Variants in PHLDB1 observed in about 807,000 individuals in gnomAD.
PHLDB1 encodes the protein pleckstrin homology-like domain family B member 1.
PHLDB1 carries 65 observed loss-of-function variants against 139.3 expected under a neutral mutation model. That is an observed-to-expected ratio of 0.47 (90% confidence interval 0.38 to 0.57). PHLDB1 has a LOEUF of 0.57. Ranked by LOEUF, PHLDB1 falls within the 20% of genes least tolerant of loss-of-function variation. PHLDB1 has a pLI of 0.00. For synonymous variants in PHLDB1, 679 were observed against 734.5 expected, an observed-to-expected ratio of 0.92 and a Z score of 1.22; for missense variants, 1,624 against 1,839.7, an observed-to-expected ratio of 0.88 and a Z score of 2.14.
rs1399211310 is a variant in PHLDB1, at chr11:118,632,726, G to A, written c.2379+430G>A. The A allele has an allele frequency of 2.3e-5, 6 of 258,010 alleles. No homozygotes were observed. The South Asian group carries it at 3.6e-4, about 16-fold the overall frequency. 16.0% of individuals were successfully genotyped at this position (258,010 alleles called of 1,614,324 possible). On this transcript the variant is annotated intron_variant, in intron 9 of 22. Coordinates refer to ENST00000600882, the MANE Select transcript of PHLDB1 (RefSeq NM_001144758.3). The surrounding 1 kb of genome is among the most constrained non-coding windows in gnomAD (Gnocchi z 5.9). ...TTGTGATCTTTGGGAGATGGCCCTC[G>A]GGCCTCTGCTTCCCTTGAGCCTTCA...
At chr11:118,647,646 G>A (rs1050994010) in intron 17 of PHLDB1, 3 of 248,502 alleles carry the variant, frequency 1.2e-5, no homozygotes, top group Non-Finnish European at 2.3e-5. Context: ...CCTGGGAGGC[G>A]AAGGTTGCAG....
At position 118,657,141 on chromosome 11, in the gene PHLDB1, C is replaced by T; in HGVS notation, c.*318C>T. 4.7e-6 allele frequency: 1 copy of T among 210,660 alleles called. No homozygotes were observed. The highest frequency in any genetic ancestry group is 9.6e-6 in the Non-Finnish European group (1 of 103,692). The allele number at this position is 210,660 out of a possible 1,614,324, so 13.0% of individuals were successfully genotyped here. A position where few individuals can be genotyped will look rare whatever the true frequency, so the allele number is the denominator to read the frequency against. ...ATGGTACCATAAGCTGCCAAAGATC[C>T]CCTCCTGCCTCAGACCCCTTTGCCA... On this transcript the variant is annotated 3_prime_UTR_variant, in exon 23 of 23. Transcript: ENST00000600882.
Position 118,643,835 on chromosome 11 carries a change from C to T in PHLDB1, c.2913C>T (p.Ser971=). The T allele has an allele frequency of 6.2e-7, 1 of 1,614,048 alleles. No homozygotes were observed. Among genetic ancestry groups the T allele is most frequent in the African/African-American group, 1.3e-5 (1 of 75,050 alleles). ...YRSKMDGEAT[S]PLPRTRSGPL... ...CCAAGATGGATGGCGAGGCCACCAG[C>T]CCCCTTCCCCGGACCCGCAGCGGCC... The change falls in exon 14 of 23, where the codon AGC becomes AGT. Residue 971 remains serine (S), a synonymous_variant. Transcript: ENST00000600882.
intron 17 of PHLDB1, chr11:118,647,145 T>C (rs1436733217): frequency 6.6e-6 from 1 of 152,246 alleles, no homozygotes; most frequent in African/African-American, 2.4e-5. Context: ...CCATAAAGTT[T>C]GAAGTTCAAT....
intron 22 of PHLDB1, 85 bp downstream of exon 22, chr11:118,655,977 C>T (rs1346689389): frequency 6.1e-6 from 6 of 979,886 alleles, no homozygotes; most frequent in Non-Finnish European, 8.2e-6. Flanking sequence ...CCCTTCATCC[C>T]CCTCCCTTCC....
chr11:118,618,991 G>T (rs888070854), intron 4 of PHLDB1, among the ~76,000 whole-genome samples: 1 of 152,042 alleles, frequency 6.6e-6, no homozygotes. Flanking sequence ...AAGTGAGGGA[G>T]CCAGGAAGGT....
chr11:118,656,572 C>A, intron 22 of PHLDB1, 111 bp from the exon 23 acceptor site: 1 of 1,050,346 alleles, frequency 9.5e-7, no homozygotes, highest in Admixed American at 2.0e-5. Context: ...TAGGACTAAG[C>A]TCCAGGGCTT....
Position 118,656,883 on chromosome 11 carries a change from T to C in PHLDB1, c.*60T>C. 6.8e-7 allele frequency: 1 copy of C among 1,472,072 alleles called. No individual in the cohort carries two copies. Among genetic ancestry groups the C allele is most frequent in the Non-Finnish European group, 9.3e-7 (1 of 1,070,194 alleles). 91.2% of individuals were successfully genotyped at this position (1,472,072 alleles called of 1,614,324 possible). ...CTTTTGTATAAGAAGACTTTAATATTCTGTAAGGAGCTTGGTCCTGTGAGT... is the reference window on the plus strand; with the variant it reads ...CTTTTGTATAAGAAGACTTTAATATCCTGTAAGGAGCTTGGTCCTGTGAGT... On this transcript the variant is annotated 3_prime_UTR_variant, in exon 23 of 23. Coordinates refer to ENST00000600882, the MANE Select transcript of PHLDB1 (RefSeq NM_001144758.3).
chr11:118,634,864 A>C, intron 9 of PHLDB1: 1 of 328,190 alleles, frequency 3.0e-6, no homozygotes, highest in Non-Finnish European at 6.3e-6. Context: ...GGAGTTGAGG[A>C]GTGTGTGTTC....
chr11:118,641,590 T>G (rs1555120586), intron 12 of PHLDB1: 1 of 1,257,592 alleles, frequency 8.0e-7, no homozygotes, highest in Admixed American at 2.5e-5. Context: ...TTATATTCCC[T>G]CCTGCGTCTG....
intron 20 of PHLDB1, 113 bp from the exon 21 acceptor site, chr11:118,655,492 A>G: frequency 1.4e-6 from 1 of 705,598 alleles, no homozygotes; most frequent in Non-Finnish European, 2.6e-6. Flanking sequence ...TTGGGAGACT[A>G]GGATCTTCAC....
chr11:118,637,909 A>G (rs1945904093), intron 10 of PHLDB1: 1 of 152,274 alleles, frequency 6.6e-6, no homozygotes, highest in Admixed American at 6.5e-5. Context: ...AGAAAAGACA[A>G]TGTGGATCTT....
intron 1 of PHLDB1, among the ~76,000 whole-genome samples, chr11:118,609,900 G>C (rs995334876): frequency 6.6e-6 from 1 of 151,976 alleles, no homozygotes; most frequent in Non-Finnish European, 1.5e-5. Context: ...CCAAGCAACA[G>C]CCCTCGCTCC....
Position 118,643,950 on chromosome 11 carries a change from C to G in PHLDB1, c.3018+10C>G. ...TAGCCCCTCCCCAAAGGTCTGAGGA[C>G]AGTGGGTGGGGCTGCACATGTGGCT... is the stretch of plus-strand genomic sequence containing the variant. On this transcript the variant is annotated intron_variant, in intron 14 of 22. Transcript: ENST00000600882. 6.3e-7 allele frequency: 1 copy of G among 1,593,628 alleles called. No individual in the cohort carries two copies. Among genetic ancestry groups the G allele is most frequent in the Non-Finnish European group, 8.5e-7 (1 of 1,169,954 alleles).
chr11:118,650,036 G>A lies in PHLDB1; in HGVS notation c.3655-41G>A, dbSNP rs1334396524. The A allele has an allele frequency of 7.0e-7, 1 of 1,421,070 alleles. No homozygotes were observed. Among genetic ancestry groups the A allele is most frequent in the Non-Finnish European group, 1.0e-6 (1 of 1,004,120 alleles). 88.0% of individuals were successfully genotyped at this position (1,421,070 alleles called of 1,614,324 possible). ...GGGGCCTGGACAGGGGAATAATGAGGGAAGAGAGGAGACTCTCCTGACCCT... is the reference window on the plus strand; with the variant it reads ...GGGGCCTGGACAGGGGAATAATGAGAGAAGAGAGGAGACTCTCCTGACCCT... On this transcript the variant is annotated intron_variant, in intron 18 of 22. Coordinates refer to ENST00000600882, the MANE Select transcript of PHLDB1 (RefSeq NM_001144758.3). The surrounding 1 kb of genome is among the most constrained non-coding windows in gnomAD (Gnocchi z 4.7).
At chr11:118,629,199 A>C (rs1037976679) in intron 6 of PHLDB1, among the ~76,000 whole-genome samples, 2 of 152,226 alleles carry the variant, frequency 1.3e-5, no homozygotes, top group Non-Finnish European at 2.9e-5. Flanking sequence ...GGAGCTGCTC[A>C]TCCTGGCCCA....
chr11:118,608,478 G>T lies in PHLDB1; in HGVS notation c.-22+779G>T, dbSNP rs1193468684. On this transcript the variant is annotated intron_variant, in intron 1 of 22. Coordinates refer to ENST00000600882, the MANE Select transcript of PHLDB1 (RefSeq NM_001144758.3). The surrounding 1 kb of genome is among the most constrained non-coding windows in gnomAD (Gnocchi z 6.7). Reference sequence around the variant, plus strand: ...GGCGCCGGCGCAGGGTGGCCGAGTCGCCCGCTAGCGCTTCCGCCGAGGCAG... The same window carrying T: ...GGCGCCGGCGCAGGGTGGCCGAGTCTCCCGCTAGCGCTTCCGCCGAGGCAG... Among the ~76,000 whole-genome samples the T allele has an allele frequency of 6.6e-6, 1 of 152,134 alleles. No individual in the cohort carries two copies. The highest frequency in any genetic ancestry group is 1.5e-5 in the Non-Finnish European group (1 of 67,982).
Position 118,616,024 on chromosome 11 carries a change from T to C in PHLDB1, c.185-17T>C, listed in dbSNP as rs1285161586. ...GCCTGGACAACCCCTCTGATTCAGT[T>C]TGCCTCTTGTCTCCAGGGAGGACGG... On this transcript the variant is annotated splice_polypyrimidine_tract_variant and intron_variant, in intron 3 of 22. Transcript: ENST00000600882. 6.2e-7 allele frequency: 1 copy of C among 1,606,474 alleles called. No homozygotes were observed. The highest frequency in any genetic ancestry group is 1.3e-5 in the African/African-American group (1 of 74,808).
chr11:118,615,713 A>G (rs1354133400), intron 3 of PHLDB1: 6 of 284,134 alleles, frequency 2.1e-5, no homozygotes, highest in Non-Finnish European at 3.9e-5. Context: ...AAAGGACAAT[A>G]GGGAGAGGCA....
Sources: allele counts gnomAD v4.1 joint callset (sites outside exome capture counted in the v4.1 genomes callset), GRCh38; gene constraint gnomAD v4.1.1; non-coding constraint Gnocchi (gnomAD v3.1); transcripts MANE v1.5; gene names NCBI Gene and HGNC (gene_info 2026-07-23, HGNC 2026-07-21).